SERGEF: variants seen among roughly 807,000 people sequenced by gnomAD.
The protein encoded by SERGEF is secretion-regulating guanine nucleotide exchange factor.
In SERGEF, 51 loss-of-function variants were observed where a neutral mutation model predicts 50.0. The ratio of observed to expected loss-of-function variants is 1.02; its 90% CI spans 0.81 to 1.29. SERGEF has a LOEUF of 1.29. Among genes scored for constraint, SERGEF ranks in the 50% most tolerant of loss-of-function variants. The pLI is 0.00. For missense variants in SERGEF, 521 were observed against 557.0 expected, an observed-to-expected ratio of 0.94 and a Z score of 0.65; for synonymous variants, 205 against 212.4, an observed-to-expected ratio of 0.97 and a Z score of 0.30.
chr11:17,870,268 C>T (rs1467026315), intron 10 of SERGEF, among the ~76,000 whole-genome samples: 1 of 152,150 alleles, frequency 6.6e-6, no homozygotes, highest in Non-Finnish European at 1.5e-5. Context: ...TTATTTACAG[C>T]AGTATGAAAA....
chr11:17,963,181 CAAAAA>C (rs1164488575), intron 8 of SERGEF, among the ~76,000 whole-genome samples: 15 of 16,500 alleles, frequency 9.1e-4, no homozygotes, highest in African/African-American at 3.4e-3. Flanking sequence ...GACTCTGTTT[CAAAAA>C]AAAAAAAAAA....
At chr11:17,930,665 T>G (rs1852335664) in intron 9 of SERGEF, among the ~76,000 whole-genome samples, 1 of 152,256 alleles carries the variant, frequency 6.6e-6, no homozygotes, top group East Asian at 1.9e-4. Flanking sequence ...ACCAGTGAGG[T>G]TAAAGGCAAC....
chr11:17,970,149 GT>G (rs1226519961), intron 8 of SERGEF, among the ~76,000 whole-genome samples: 1 of 152,184 alleles, frequency 6.6e-6, no homozygotes, highest in Non-Finnish European at 1.5e-5. Flanking sequence ...CAAATTGAAG[GT>G]TTGTGGCAAC....
At chr11:17,983,594 G>A (rs973694979) in intron 8 of SERGEF, among the ~76,000 whole-genome samples, 1 of 152,092 alleles carries the variant, frequency 6.6e-6, no homozygotes, top group African/African-American at 2.4e-5. Flanking sequence ...AAAGAAGTTG[G>A]GTTTTTTCAT....
chr11:17,886,175 C>T (rs534616372), intron 9 of SERGEF, among the ~76,000 whole-genome samples: 13 of 152,314 alleles, frequency 8.5e-5, no homozygotes, highest in African/African-American at 3.1e-4. Flanking sequence ...ATACCTCACG[C>T]ATCCTAACCT....
intron 9 of SERGEF, among the ~76,000 whole-genome samples, chr11:17,911,394 CATAT>C (rs1036953996): frequency 6.8e-6 from 1 of 147,228 alleles, no homozygotes; most frequent in Non-Finnish European, 1.5e-5. Flanking sequence ...TATATACACA[CATAT>C]ATATACACAC....
chr11:17,961,813 T>C (rs1853004418), intron 8 of SERGEF, among the ~76,000 whole-genome samples: 1 of 152,246 alleles, frequency 6.6e-6, no homozygotes, highest in African/African-American at 2.4e-5. Context: ...ACTCTGAACT[T>C]GTCTATTTCT....
At chr11:17,950,350 G>C (rs1852751960) in intron 9 of SERGEF, among the ~76,000 whole-genome samples, 1 of 152,146 alleles carries the variant, frequency 6.6e-6, no homozygotes, top group African/African-American at 2.4e-5. Flanking sequence ...AATAGAGGCT[G>C]GGTCTTAATC....
At chr11:17,866,300 A>G (rs904835592) in intron 10 of SERGEF, among the ~76,000 whole-genome samples, 1 of 152,190 alleles carries the variant, frequency 6.6e-6, no homozygotes, top group Admixed American at 6.5e-5. Context: ...AGAACTCCAT[A>G]AATAGTTTTC....
At chr11:17,970,673 G>A (rs1214089596) in intron 8 of SERGEF, among the ~76,000 whole-genome samples, 9 of 152,180 alleles carry the variant, frequency 5.9e-5, no homozygotes, top group Non-Finnish European at 8.8e-5. Context: ...AAAGTGCTTC[G>A]CTAGTGGACA....
In SERGEF at chr11:17,878,237, C is replaced by T. The variant is rs759593784; in HGVS notation, c.1019G>A (p.Cys340Tyr). Residue 340 changes from cysteine (C) to tyrosine (Y), a missense_variant, in exon 10 of 11, where the codon TGT becomes TAT. Physicochemically the swap from Cys to Tyr is radical, Grantham distance 194. Coordinates refer to ENST00000265965, the MANE Select transcript of SERGEF (RefSeq NM_012139.4). ...TATTGCCAAATTATGCTCTGAGCCA[C>T]AAGAGACCTGTAAAAAAAAAAAAAG... ...HCLTGATEVSCGSEHNLAIIG... is the reference protein window; with the variant it reads ...HCLTGATEVSYGSEHNLAIIG... 3.2e-6 allele frequency: 5 copies of T among 1,556,654 alleles called. No individual in the cohort carries two copies. The highest frequency in any genetic ancestry group is 3.5e-6 in the Non-Finnish European group (4 of 1,142,726).
At chr11:17,949,586 G>T (rs573702424) in intron 9 of SERGEF, among the ~76,000 whole-genome samples, 1 of 152,090 alleles carries the variant, frequency 6.6e-6, no homozygotes, top group South Asian at 2.1e-4. Context: ...AAGTAGAACT[G>T]GGAGAGAGAT....
intron 5 of SERGEF, 53 bp from the exon 6 acceptor site, chr11:17,995,962 T>G: frequency 4.6e-6 from 6 of 1,294,694 alleles, no homozygotes; most frequent in African/African-American, 1.5e-5. Context: ...AGGATAAGAC[T>G]AGATTGCTCT....
chr11:17,824,947 G>T (rs561405500), intron 10 of SERGEF, among the ~76,000 whole-genome samples: 1 of 152,114 alleles, frequency 6.6e-6, no homozygotes, highest in Non-Finnish European at 1.5e-5. Flanking sequence ...TATTATTTCC[G>T]ATGTCTAGCA....
chr11:17,942,051 A>T (rs1285474644), intron 9 of SERGEF, among the ~76,000 whole-genome samples: 1 of 152,162 alleles, frequency 6.6e-6, no homozygotes, highest in Non-Finnish European at 1.5e-5. Context: ...GGATCTTGCA[A>T]CTTCATTCTT....
At chr11:17,921,144 A>G (rs1852148408) in intron 9 of SERGEF, among the ~76,000 whole-genome samples, 1 of 152,230 alleles carries the variant, frequency 6.6e-6, no homozygotes, top group Non-Finnish European at 1.5e-5. Context: ...AATTATTTCC[A>G]GCAAAAGAGT....
At chr11:17,791,210 T>C (rs1849478718) in intron 10 of SERGEF, among the ~76,000 whole-genome samples, 1 of 152,250 alleles carries the variant, frequency 6.6e-6, no homozygotes, top group Non-Finnish European at 1.5e-5. Flanking sequence ...TTATTTTATA[T>C]AGCATTGCTA....
intron 10 of SERGEF, among the ~76,000 whole-genome samples, chr11:17,837,788 G>A (rs1040857531): frequency 1.3e-5 from 2 of 151,314 alleles, no homozygotes. Flanking sequence ...AGCCTCCTGA[G>A]TATCTGGGAT....
intron 10 of SERGEF, among the ~76,000 whole-genome samples, chr11:17,807,199 G>A (rs1288213128): frequency 6.6e-6 from 1 of 152,148 alleles, no homozygotes; most frequent in Admixed American, 6.5e-5. Context: ...GCCAGTAAGG[G>A]TTGCCTGGAA....
Sources: gnomAD v4.1 joint callset for allele counts (sites outside exome capture counted in the v4.1 genomes callset) on GRCh38, gnomAD v4.1.1 for gene constraint, MANE v1.5 for transcripts, NCBI Gene and HGNC (gene_info 2026-07-23, HGNC 2026-07-21) for gene names.